The following GALNT17 variants were observed in gnomAD, a reference collection of about 807,000 sequenced individuals.
GALNT17 encodes the protein UDP-GalNAc:polypeptide N-acetylgalactosaminyltransferase-like 3.
A neutral mutation model predicts 63.7 loss-of-function variants in GALNT17; 29 were observed. The observed-to-expected ratio is 0.46, with a 90% CI of 0.34 to 0.62. The LOEUF is 0.62. GALNT17 is among the 20% of genes least tolerant of loss of function. GALNT17 has a pLI of 0.01. For synonymous variants in GALNT17, 305 were observed against 318.3 expected (o/e 0.96, Z 0.45); for missense variants, 603 against 799.6 (o/e 0.75, Z 2.97).
intron 1 of GALNT17, among the ~76,000 whole-genome samples, chr7:71,260,953 G>T (rs1790374240): frequency 6.6e-6 from 1 of 152,068 alleles, no homozygotes; most frequent in African/African-American, 2.4e-5. Flanking sequence ...ATAAACCCAG[G>T]TGTTAAATTT....
At chr7:71,141,020 A>G (rs1348215699) in intron 1 of GALNT17, among the ~76,000 whole-genome samples, 2 of 68,312 alleles carry the variant, frequency 2.9e-5, no homozygotes, top group East Asian at 3.0e-3. Context: ...GCAAGACCCA[A>G]ACTCTAAAAA....
intron 5 of GALNT17, among the ~76,000 whole-genome samples, chr7:71,499,198 G>A (rs975319056): frequency 6.6e-6 from 1 of 152,124 alleles, no homozygotes; most frequent in Non-Finnish European, 1.5e-5. Context: ...TTACCTGAAT[G>A]TTAATATTCT....
intron 1 of GALNT17, among the ~76,000 whole-genome samples, chr7:71,157,580 C>A (rs764985001): frequency 4.0e-5 from 6 of 151,746 alleles, no homozygotes; most frequent in Non-Finnish European, 8.8e-5. Context: ...ATTGCTTGAA[C>A]TGGGGAGGCA....
chr7:71,269,582 G>A (rs1359419740), intron 1 of GALNT17, among the ~76,000 whole-genome samples: 2 of 152,198 alleles, frequency 1.3e-5, no homozygotes, highest in African/African-American at 2.4e-5. Flanking sequence ...GGAGGGCCAT[G>A]CCACTGCTCA....
intron 5 of GALNT17, among the ~76,000 whole-genome samples, chr7:71,556,634 A>C (rs1278164898): frequency 6.6e-6 from 1 of 152,090 alleles, no homozygotes; most frequent in African/African-American, 2.4e-5. Flanking sequence ...CTCTCGGCTC[A>C]CTGCAGCCTC....
chr7:71,405,017 C>G (rs888688780), intron 3 of GALNT17, among the ~76,000 whole-genome samples: 4 of 152,176 alleles, frequency 2.6e-5, no homozygotes, highest in African/African-American at 9.7e-5. Flanking sequence ...ATGGGATCAT[C>G]ATACTGGTGC....
intron 4 of GALNT17, among the ~76,000 whole-genome samples, chr7:71,419,055 T>G (rs574263155): frequency 2.0e-5 from 3 of 152,242 alleles, no homozygotes; most frequent in Non-Finnish European, 4.4e-5. Flanking sequence ...CACTATAGCC[T>G]GAGAGACGAG....
chr7:71,528,836 T>TA (rs952492944), intron 5 of GALNT17, among the ~76,000 whole-genome samples: 6 of 151,774 alleles, frequency 4.0e-5, no homozygotes, highest in Non-Finnish European at 7.4e-5. Context: ...TTACAGTGGT[T>TA]AAAAAAAACA....
intron 1 of GALNT17, among the ~76,000 whole-genome samples, chr7:71,210,478 A>G (rs748852611): frequency 6.6e-6 from 1 of 152,176 alleles, no homozygotes; most frequent in Non-Finnish European, 1.5e-5. Flanking sequence ...TTTAATTTTA[A>G]CTATAAAGGC....
In GALNT17 at chr7:71,615,891, AG is replaced by A. The variant is rs1448245115; in HGVS notation, c.1080+44491del. On this transcript the variant is annotated intron_variant, in intron 6 of 10. Coordinates refer to ENST00000333538, the MANE Select transcript of GALNT17 (RefSeq NM_022479.3). ...CCTCCACTCGGCTTGACAGGAGGAA[AG>A]GAAGGAGCTTTCCCCTGAGGATAGC... Among the ~76,000 whole-genome samples, 11 of 152,294 alleles carry A rather than the reference AG, an allele frequency of 7.2e-5. 1 individual carries two copies. Among genetic ancestry groups the A allele is most frequent in the Middle Eastern group, 3.4e-3 (1 of 294 alleles).
intron 1 of GALNT17, among the ~76,000 whole-genome samples, chr7:71,146,444 G>A (rs1228361561): frequency 1.3e-5 from 2 of 152,134 alleles, no homozygotes; most frequent in African/African-American, 4.8e-5. Flanking sequence ...ACTCTCCATG[G>A]GTGGCTTTTG....
chr7:71,502,409 C>G lies in GALNT17; in HGVS notation c.963-68876C>G, dbSNP rs568936872. Among the ~76,000 whole-genome samples, 9 of 152,298 alleles carry G rather than the reference C, an allele frequency of 5.9e-5. No homozygotes were observed. In the East Asian group the frequency reaches 1.7e-3, roughly 29 times the overall value. ...GTGGAATGAGGTGGTTGCTGCCTGA[C>G]CTTCTGGGTTTAGGTCATCCTTTAA... is the stretch of plus-strand genomic sequence containing the variant. On this transcript the variant is annotated intron_variant, in intron 5 of 10. Transcript: ENST00000333538.
At chr7:71,206,352 T>G (rs1157200813) in intron 1 of GALNT17, among the ~76,000 whole-genome samples, 1 of 151,888 alleles carries the variant, frequency 6.6e-6, no homozygotes, top group Non-Finnish European at 1.5e-5. Flanking sequence ...GAATTGACCA[T>G]GTGAGCCACG....
At chr7:71,206,179 A>G (rs994152823) in intron 1 of GALNT17, among the ~76,000 whole-genome samples, 1 of 149,700 alleles carries the variant, frequency 6.7e-6, no homozygotes, top group Non-Finnish European at 1.5e-5. Context: ...ATATTTATAT[A>G]TAAACACACA....
chr7:71,463,098 T>C (rs1423637681), intron 5 of GALNT17, among the ~76,000 whole-genome samples: 1 of 152,042 alleles, frequency 6.6e-6, no homozygotes, highest in Non-Finnish European at 1.5e-5. Flanking sequence ...GTGGAGATTG[T>C]TGATTGGTGG....
intron 5 of GALNT17, among the ~76,000 whole-genome samples, chr7:71,524,927 A>G (rs1041869392): frequency 6.6e-6 from 1 of 152,138 alleles, no homozygotes; most frequent in Non-Finnish European, 1.5e-5. Flanking sequence ...AGAGCTAATA[A>G]CCACTGTCCT....
chr7:71,230,902 A>G (rs148011914), intron 1 of GALNT17, among the ~76,000 whole-genome samples: 1 of 152,204 alleles, frequency 6.6e-6, no homozygotes, highest in Non-Finnish European at 1.5e-5. Context: ...TAGAGTTGTA[A>G]AGTCTTGGGC....
intron 1 of GALNT17, among the ~76,000 whole-genome samples, chr7:71,262,791 C>T (rs975835300): frequency 1.3e-5 from 2 of 151,360 alleles, no homozygotes; most frequent in African/African-American, 4.9e-5. Flanking sequence ...AGTGATCCTC[C>T]CACCTGAGCT....
intron 1 of GALNT17, among the ~76,000 whole-genome samples, chr7:71,222,994 G>A (rs563146023): frequency 9.2e-5 from 14 of 152,220 alleles, no homozygotes; most frequent in Non-Finnish European, 1.8e-4. Context: ...CATCACTTGA[G>A]CTCAGCAGTT....
Sources: allele counts gnomAD v4.1 joint callset (sites outside exome capture counted in the v4.1 genomes callset), GRCh38; gene constraint gnomAD v4.1.1; transcripts MANE v1.5; gene names NCBI Gene and HGNC (gene_info 2026-07-23, HGNC 2026-07-21).